Variants in NRG1 observed in about 807,000 individuals in gnomAD.
NRG1 encodes pro-neuregulin-1, membrane-bound isoform.
NRG1 carries 18 observed loss-of-function variants against 63.8 expected under a neutral mutation model. That is an observed-to-expected ratio of 0.28 (90% CI 0.19 to 0.42). The LOEUF is 0.42. Among genes scored for constraint, NRG1 ranks in the 10% least tolerant of loss-of-function variants. The probability of loss-of-function intolerance (pLI) is 1.00; values close to 1 mark genes in which losing one functional copy is unlikely to be tolerated. For synonymous variants in NRG1, 302 were observed against 301.3 expected (o/e 1.00, Z -0.02); for missense variants, 762 against 814.7 (o/e 0.94, Z 0.79).
intron 1 of NRG1, among the ~76,000 whole-genome samples, chr8:32,139,669 C>A (rs1469789363): frequency 6.6e-6 from 1 of 152,094 alleles, no homozygotes; most frequent in Non-Finnish European, 1.5e-5. Context: ...AGATTCAATG[C>A]TTGGGTGATG....
At position 32,218,266 on chromosome 8, in the gene NRG1, A is replaced by G. The variant is rs1200796875; in HGVS notation, c.38-377562A>G. On this transcript the variant is annotated intron_variant, in intron 1 of 10. Coordinates refer to the NRG1 transcript ENST00000519301. ...CAATCTCCAAGTTTTGGCCAATCAA[A>G]GGTGGCCAACCATTCAAACCATGTT... Among the ~76,000 whole-genome samples, 5 of 152,222 alleles carry G rather than the reference A, an allele frequency of 3.3e-5. No individual in the cohort carries two copies. In the East Asian group the frequency reaches 9.6e-4, roughly 29 times the overall value.
chr8:31,676,611 C>T (rs576360490), intron 1 of NRG1, among the ~76,000 whole-genome samples: 56 of 152,308 alleles, frequency 3.7e-4, no homozygotes, highest in African/African-American at 5.3e-4. Flanking sequence ...AGGTTGAACC[C>T]TCCAGTCCGT....
intron 1 of NRG1, among the ~76,000 whole-genome samples, chr8:32,293,002 G>C (rs549902414): frequency 1.8e-4 from 27 of 152,184 alleles, no homozygotes; most frequent in African/African-American, 6.5e-4. Context: ...TACTCAGGAG[G>C]CTGAGGCAGG....
At chr8:32,108,875 G>A (rs1831624079) in intron 1 of NRG1, among the ~76,000 whole-genome samples, 1 of 152,076 alleles carries the variant, frequency 6.6e-6, no homozygotes, top group Non-Finnish European at 1.5e-5. Context: ...TGTGCAACCT[G>A]TTTCAGACTG....
intron 1 of NRG1, among the ~76,000 whole-genome samples, chr8:31,712,552 G>A (rs181454991): frequency 6.6e-6 from 1 of 152,262 alleles, no homozygotes; most frequent in Admixed American, 6.5e-5. Flanking sequence ...ACAGGTGTGA[G>A]CCACTGCGCC....
chr8:32,424,896 CA>C (rs995131615), intron 1 of NRG1, among the ~76,000 whole-genome samples: 1 of 151,224 alleles, frequency 6.6e-6, no homozygotes, highest in Non-Finnish European at 1.5e-5. Context: ...AACAAACAAA[CA>C]AAAAAACAAA....
chr8:31,710,411 A>G (rs1811623553), intron 1 of NRG1, among the ~76,000 whole-genome samples: 1 of 151,926 alleles, frequency 6.6e-6, no homozygotes, highest in African/African-American at 2.4e-5. Context: ...TATTTTTGGT[A>G]TATCAAACAT....
At chr8:32,314,422 G>A (rs986184709) in intron 1 of NRG1, among the ~76,000 whole-genome samples, 5 of 140,140 alleles carry the variant, frequency 3.6e-5, no homozygotes, top group African/African-American at 8.2e-5. Flanking sequence ...CCAGATAACC[G>A]AGGGAGGGAA....
chr8:31,646,575 T>C (rs1384597449), intron 1 of NRG1, among the ~76,000 whole-genome samples: 1 of 152,206 alleles, frequency 6.6e-6, no homozygotes, highest in African/African-American at 2.4e-5. Context: ...AAGGCAAAGA[T>C]AGCTAAAAAA....
At chr8:31,775,441 A>G (rs1220421586) in intron 1 of NRG1, among the ~76,000 whole-genome samples, 4 of 152,288 alleles carry the variant, frequency 2.6e-5, no homozygotes, top group Admixed American at 2.0e-4. Flanking sequence ...CCCCAAAAGC[A>G]CAGAGGATGG....
intron 2 of NRG1, among the ~76,000 whole-genome samples, chr8:32,599,726 TAAG>T (rs1254319252): frequency 6.6e-6 from 1 of 152,218 alleles, no homozygotes; most frequent in East Asian, 1.9e-4. Context: ...GATTCATATG[TAAG>T]GACTGGCAGA....
chr8:31,875,031 G>A (rs900793433), intron 1 of NRG1, among the ~76,000 whole-genome samples: 1 of 152,146 alleles, frequency 6.6e-6, no homozygotes, highest in African/African-American at 2.4e-5. Flanking sequence ...TTTCATAGTT[G>A]CCAGCACCCT....
intron 2 of NRG1, among the ~76,000 whole-genome samples, chr8:32,604,206 C>T (rs545955610): frequency 1.4e-4 from 21 of 152,054 alleles, no homozygotes; most frequent in African/African-American, 4.8e-4. Context: ...GGAAGGTCAG[C>T]TGAGATTTTG....
chr8:32,543,600 A>G (rs569042355), upstream of NRG1, among the ~76,000 whole-genome samples: 9 of 152,302 alleles, frequency 5.9e-5, no homozygotes, highest in South Asian at 1.5e-3. Flanking sequence ...ATTTTAATCC[A>G]TGATATCAGT....
intron 1 of NRG1, among the ~76,000 whole-genome samples, chr8:32,447,823 T>C (rs1402611587): frequency 6.7e-6 from 1 of 149,214 alleles, no homozygotes; most frequent in Non-Finnish European, 1.5e-5. Context: ...CACCCTGGCC[T>C]GGGCAACAAA....
intron 1 of NRG1, among the ~76,000 whole-genome samples, chr8:31,696,484 A>G (rs1253365844): frequency 6.6e-6 from 1 of 152,220 alleles, no homozygotes; most frequent in Non-Finnish European, 1.5e-5. Flanking sequence ...CGGTGATGAC[A>G]AAGGTGATAA....
intron 1 of NRG1, among the ~76,000 whole-genome samples, chr8:32,590,564 C>T (rs1842356941): frequency 6.6e-6 from 1 of 152,104 alleles, no homozygotes; most frequent in African/African-American, 2.4e-5. Context: ...AATTCGAGTA[C>T]TTACTTAACA....
At chr8:31,693,535 T>C (rs1288992172) in intron 1 of NRG1, among the ~76,000 whole-genome samples, 1 of 152,092 alleles carries the variant, frequency 6.6e-6, no homozygotes, top group African/African-American at 2.4e-5. Context: ...TAGCAACCTC[T>C]ATGAAATGAG....
intron 1 of NRG1, among the ~76,000 whole-genome samples, chr8:32,365,824 T>C (rs1051197707): frequency 2.4e-4 from 36 of 152,198 alleles, no homozygotes; most frequent in African/African-American, 8.7e-4. Context: ...AGAAGATTAC[T>C]TAATTATTCT....
Sources: gnomAD v4.1 joint callset for allele counts (sites outside exome capture counted in the v4.1 genomes callset) on GRCh38, gnomAD v4.1.1 for gene constraint, MANE v1.5 for transcripts, NCBI Gene and HGNC (gene_info 2026-07-23, HGNC 2026-07-21) for gene names.